The following MBNL2 variants were observed in gnomAD, a reference collection of about 807,000 sequenced individuals.
MBNL2 encodes muscleblind like splicing regulator 2, also known as muscleblind-like protein 2.
In MBNL2, 17 loss-of-function variants were observed where a neutral mutation model predicts 41.9. The observed-to-expected ratio is 0.41, with a 90% CI of 0.28 to 0.61. The LOEUF (loss-of-function observed/expected upper bound fraction) is 0.61, where lower values mean the gene tolerates loss of function less well. Among genes scored for constraint, MBNL2 ranks in the 20% least tolerant of loss-of-function variants. The pLI, the probability that MBNL2 is intolerant of heterozygous loss-of-function variation, is 0.35. For missense variants in MBNL2, 336 were observed against 505.6 expected (o/e 0.66, Z 3.22); for synonymous variants, 195 against 182.9 (o/e 1.07, Z -0.53).
chr13:97,297,223 T>C (rs571451042), intron 2 of MBNL2, among the ~76,000 whole-genome samples: 30 of 152,178 alleles, frequency 2.0e-4, no homozygotes, highest in Non-Finnish European at 3.5e-4. Flanking sequence ...GGGCCTAACA[T>C]ACATGAGGTT....
intron 5 of MBNL2, among the ~76,000 whole-genome samples, chr13:97,348,074 ATTTTT>A (rs71692187): frequency 1.0e-4 from 12 of 120,316 alleles, no homozygotes; most frequent in African/African-American, 2.8e-4. Flanking sequence ...GGGCAGTGGG[ATTTTT>A]TTTTTTTTTT....
rs577425187 is a variant in MBNL2 at position 97,325,554 on chromosome 13, G to A, written c.175-8722G>A. Among the ~76,000 whole-genome samples the A allele has an allele frequency of 3.4e-4, 52 of 152,138 alleles. 1 individual carries two copies. The highest frequency in any genetic ancestry group is 1.6e-3 in the Admixed American group (25 of 15,288). On this transcript the variant is annotated intron_variant, in intron 2 of 8. Coordinates refer to ENST00000679496, the MANE Select transcript of MBNL2 (RefSeq NM_001382683.1). ...GAGACCAGCCTGGGCAACACAGTGC[G>A]AACCAGACTCTACAAAAATAAAAAA...
the MBNL2 span, among the ~76,000 whole-genome samples, chr13:97,164,586 A>G: frequency 1.3e-5 from 2 of 152,278 alleles, no homozygotes; most frequent in African/African-American, 2.4e-5. Flanking sequence ...AAATGGTACC[A>G]TGTAAATATC....
At chr13:97,169,716 G>A in the MBNL2 span, among the ~76,000 whole-genome samples, 14 of 152,286 alleles carry the variant, frequency 9.2e-5, no homozygotes, top group African/African-American at 3.1e-4. Context: ...TACTCTTGCA[G>A]CCTGCCCTTC....
At chr13:97,159,040 T>G in the MBNL2 span, among the ~76,000 whole-genome samples, 1,213 of 151,494 alleles carry the variant, frequency 8.0e-3, 11 homozygotes, top group East Asian at 0.038. Flanking sequence ...TAAGTCTCTT[T>G]GTAGGTCACT....
In MBNL2 at chr13:97,254,399, A is replaced by G. The variant is rs556504669; in HGVS notation, c.-604-21233A>G. 5.5e-4 allele frequency among the ~76,000 whole-genome samples: 84 copies of G among 152,336 alleles called. 1 individual carries two copies. The highest frequency in any genetic ancestry group is 3.4e-3 in the Middle Eastern group (1 of 294). ...TTTTGAAGCATGATAAGGGATTTTG[A>G]TGCATTATGATTGAAAAGTATTTAT... On this transcript the variant is annotated intron_variant, in intron 1 of 8. Coordinates refer to ENST00000679496, the MANE Select transcript of MBNL2 (RefSeq NM_001382683.1).
At position 97,393,739 on chromosome 13, in the gene MBNL2, T is replaced by G. The variant is rs1457196170; in HGVS notation, c.*2290T>G. Reference sequence around the variant, plus strand: ...CTGTATAAATATTATTTGCCAAAAGTTTGTTTATATTCAGAAGTCTGACTA... The same window carrying G: ...CTGTATAAATATTATTTGCCAAAAGGTTGTTTATATTCAGAAGTCTGACTA... On this transcript the variant is annotated 3_prime_UTR_variant, in exon 9 of 9. Coordinates refer to ENST00000679496, the MANE Select transcript of MBNL2 (RefSeq NM_001382683.1). The G allele has an allele frequency of 6.6e-6, 1 of 152,472 alleles. No homozygotes were observed. The highest frequency in any genetic ancestry group is 1.5e-5 in the Non-Finnish European group (1 of 67,950). 9.4% of individuals were successfully genotyped at this position (152,472 alleles called of 1,614,324 possible).
chr13:97,356,481 A>G (rs544351298), intron 5 of MBNL2, among the ~76,000 whole-genome samples: 1 of 152,150 alleles, frequency 6.6e-6, no homozygotes, highest in African/African-American at 2.4e-5. Flanking sequence ...CTGCTGTTTT[A>G]ATTAACTTTC....
At chr13:97,155,742 C>T in the MBNL2 span, among the ~76,000 whole-genome samples, 1 of 152,108 alleles carries the variant, frequency 6.6e-6, no homozygotes, top group African/African-American at 2.4e-5. Context: ...TTTTTTATGG[C>T]TGCATAGTAT....
At chr13:97,359,049 G>T (rs2063201070) in intron 7 of MBNL2, among the ~76,000 whole-genome samples, 1 of 152,114 alleles carries the variant, frequency 6.6e-6, no homozygotes. Context: ...ACTTGTAGAA[G>T]AAATCTCTAA....
At chr13:97,228,417 CAG>C (rs2041945909) in intron 1 of MBNL2, among the ~76,000 whole-genome samples, 1 of 151,948 alleles carries the variant, frequency 6.6e-6, no homozygotes, top group African/African-American at 2.4e-5. Flanking sequence ...TTAAAACTCT[CAG>C]ATGTACTTTA....
At chr13:97,153,663 A>G in the MBNL2 span, among the ~76,000 whole-genome samples, 1 of 152,214 alleles carries the variant, frequency 6.6e-6, no homozygotes, top group East Asian at 1.9e-4. Flanking sequence ...GTGAAGGTCT[A>G]ACTAGTCTCA....
At chr13:97,159,154 C>A in the MBNL2 span, among the ~76,000 whole-genome samples, 1 of 152,046 alleles carries the variant, frequency 6.6e-6, no homozygotes, top group Non-Finnish European at 1.5e-5. Flanking sequence ...TATGTAATGG[C>A]CTTCTTTGTC....
chr13:97,368,063 A>G (rs754527658), intron 8 of MBNL2, among the ~76,000 whole-genome samples: 2 of 152,108 alleles, frequency 1.3e-5, no homozygotes. Flanking sequence ...GCCTCCTTGA[A>G]CTATGTTTAT....
At chr13:97,350,359 G>A (rs2062328226) in intron 5 of MBNL2, among the ~76,000 whole-genome samples, 1 of 152,162 alleles carries the variant, frequency 6.6e-6, no homozygotes, top group Non-Finnish European at 1.5e-5. Flanking sequence ...TGATTAGGGT[G>A]GTGACTGGTG....
At chr13:97,204,854 A>T in the MBNL2 span, among the ~76,000 whole-genome samples, 1 of 152,010 alleles carries the variant, frequency 6.6e-6, no homozygotes, top group East Asian at 1.9e-4. Context: ...TGGGCAAATC[A>T]CCTGAGGTCA....
intron 7 of MBNL2, among the ~76,000 whole-genome samples, chr13:97,360,578 T>C (rs1166366887): frequency 6.6e-6 from 1 of 152,222 alleles, no homozygotes; most frequent in Non-Finnish European, 1.5e-5. Context: ...AGTGTTCTTA[T>C]AGACATTATC....
chr13:97,370,676 A>G (rs576769120), intron 8 of MBNL2, among the ~76,000 whole-genome samples: 3,238 of 151,624 alleles, frequency 0.021, 113 homozygotes, highest in African/African-American at 0.067. Flanking sequence ...TCAAAAAAAA[A>G]AAAGAAAGAA....
At chr13:97,243,398 A>G (rs1205670488) in intron 1 of MBNL2, among the ~76,000 whole-genome samples, 1 of 152,160 alleles carries the variant, frequency 6.6e-6, no homozygotes, top group Non-Finnish European at 1.5e-5. Context: ...GGCCAGGTAC[A>G]GCAGCAGCAA....
Sources: gnomAD v4.1 joint callset for allele counts (sites outside exome capture counted in the v4.1 genomes callset) on GRCh38, gnomAD v4.1.1 for gene constraint, MANE v1.5 for transcripts, NCBI Gene and HGNC (gene_info 2026-07-23, HGNC 2026-07-21) for gene names.